The following TRIM35 variants were observed in gnomAD, a reference collection of about 807,000 sequenced individuals.
TRIM35 encodes the protein E3 ubiquitin-protein ligase TRIM35.
Under a neutral mutation model 49.1 loss-of-function variants are expected in TRIM35, and 37 were observed. That is an observed-to-expected ratio of 0.75 (90% CI 0.58 to 0.99). TRIM35 has a LOEUF of 0.99. TRIM35 is among the 50% of genes least tolerant of loss of function. The pLI is 0.00. For missense variants in TRIM35, 648 were observed against 702.7 expected (o/e 0.92, Z 0.88); for synonymous variants, 302 against 289.3 (o/e 1.04, Z -0.45).
intron 3 of TRIM35, among the ~76,000 whole-genome samples, chr8:27,293,055 G>C (rs1283553892): frequency 2.0e-5 from 3 of 149,646 alleles, no homozygotes; most frequent in Non-Finnish European, 4.4e-5. Context: ...AACACAGAAT[G>C]ATTTCATAAT....
At chr8:27,304,076 A>T (rs915968336) in intron 1 of TRIM35, among the ~76,000 whole-genome samples, 14 of 152,256 alleles carry the variant, frequency 9.2e-5, no homozygotes, top group Admixed American at 7.9e-4. Context: ...TATAGACTAC[A>T]TGATTTCCCA....
chr8:27,294,028 T>C, intron 3 of TRIM35, 52 bp downstream of exon 3: 3 of 1,574,270 alleles, frequency 1.9e-6, no homozygotes, highest in Admixed American at 3.5e-5. Context: ...GGCTCCCAGC[T>C]GGTCCTGGAA....
At chr8:27,310,681 G>T in intron 1 of TRIM35, 120 bp downstream of exon 1, 1 of 1,198,842 alleles carries the variant, frequency 8.3e-7, no homozygotes, top group Non-Finnish European at 1.2e-6. Context: ...GGTCCTGCAT[G>T]CTGGGAGCGA....
At chr8:27,290,720 T>C (rs1802435902) in intron 3 of TRIM35, among the ~76,000 whole-genome samples, 2 of 152,182 alleles carry the variant, frequency 1.3e-5, no homozygotes. Flanking sequence ...TTCAGTGCAA[T>C]CCCTTATCCT....
chr8:27,305,966 A>G (rs1225800805), intron 1 of TRIM35, among the ~76,000 whole-genome samples: 2 of 152,134 alleles, frequency 1.3e-5, no homozygotes, highest in African/African-American at 2.4e-5. Flanking sequence ...CCCCTCGAGT[A>G]GCTGGGACTA....
intron 2 of TRIM35, among the ~76,000 whole-genome samples, chr8:27,294,943 C>T (rs1586047262): frequency 6.6e-6 from 1 of 152,084 alleles, no homozygotes; most frequent in African/African-American, 2.4e-5. Flanking sequence ...CTGCCTCAGC[C>T]TCCCGAGTAG....
chr8:27,310,057 CA>C (rs1802884891), intron 1 of TRIM35, among the ~76,000 whole-genome samples: 1 of 151,766 alleles, frequency 6.6e-6, no homozygotes, highest in Non-Finnish European at 1.5e-5. Flanking sequence ...ACTTTTGTTT[CA>C]ACTGATACAT....
chr8:27,287,830 C>T lies in TRIM35; in HGVS notation c.1202G>A (p.Arg401His), dbSNP rs760859895. The T allele has an allele frequency of 9.9e-6, 16 of 1,612,060 alleles. No homozygotes were observed. The highest frequency in any genetic ancestry group is 3.3e-4 in the Middle Eastern group (2 of 6,082). Residue 401 changes from arginine (R) to histidine (H), a missense_variant, in exon 6 of 6, where the codon CGC becomes CAC. By Grantham distance (29) the Arg-to-His change is conservative. Coordinates refer to ENST00000305364, the MANE Select transcript of TRIM35 (RefSeq NM_171982.5). This position sits in a 1 kb window ranked among gnomAD's most constrained non-coding sequence, Gnocchi z 6.0. ...DTRSGFWYVC[R>H]TQGVEGDHCV... ...GTGGTCCCCCTCCACGCCCTGCGTG[C>T]GGCAGACATACCAGAAGCCCGAGCG... is the stretch of plus-strand genomic sequence containing the variant.
At chr8:27,298,369 T>C in intron 2 of TRIM35, 95 bp downstream of exon 2, 1 of 1,196,674 alleles carries the variant, frequency 8.4e-7, no homozygotes. Flanking sequence ...CCCAGCGGGT[T>C]ATGTGAGCCA....
intron 2 of TRIM35, among the ~76,000 whole-genome samples, chr8:27,296,253 C>T (rs1309314850): frequency 6.6e-6 from 1 of 151,532 alleles, no homozygotes; most frequent in African/African-American, 2.4e-5. Flanking sequence ...GTCTGCTGCA[C>T]CTGTCAACCC....
rs147469040 is a variant in TRIM35, at chr8:27,306,213, T to C, written c.435+4588A>G. Among the ~76,000 whole-genome samples, 66 of 152,310 alleles carry C rather than the reference T, an allele frequency of 4.3e-4. 2 individuals carry two copies. The East Asian group carries it at 0.011, about 26-fold the overall frequency. On this transcript the variant is annotated intron_variant, in intron 1 of 5. Coordinates refer to ENST00000305364, the MANE Select transcript of TRIM35 (RefSeq NM_171982.5). ...TGTGTCTGAGGATGTTTTCATTTAA[T>C]GGCAACCTAAACCAAACCTAAGACA...
At chr8:27,304,854 C>T (rs920557047) in intron 1 of TRIM35, 11 of 455,232 alleles carry the variant, frequency 2.4e-5, no homozygotes, top group Admixed American at 1.4e-4. Context: ...CTTCTCTCTT[C>T]GGCTATCAGG....
chr8:27,303,218 C>T (rs1802714527), intron 1 of TRIM35, among the ~76,000 whole-genome samples: 1 of 152,124 alleles, frequency 6.6e-6, no homozygotes, highest in South Asian at 2.1e-4. Flanking sequence ...TTTTCTTATC[C>T]AGTCAGATCA....
chr8:27,290,394 C>T (rs988533924), intron 3 of TRIM35, among the ~76,000 whole-genome samples: 1 of 152,114 alleles, frequency 6.6e-6, no homozygotes, highest in African/African-American at 2.4e-5. Flanking sequence ...GGAGGAAAGG[C>T]CTAAAAAGAG....
chr8:27,298,142 G>T (rs1802607384), intron 2 of TRIM35, among the ~76,000 whole-genome samples: 1 of 152,220 alleles, frequency 6.6e-6, no homozygotes, highest in Non-Finnish European at 1.5e-5. Flanking sequence ...AAGAAAACAA[G>T]AAAGTACATG....
chr8:27,298,317 G>A (rs1033156733), intron 2 of TRIM35, 147 bp downstream of exon 2: 29 of 683,708 alleles, frequency 4.2e-5, no homozygotes, highest in African/African-American at 3.2e-4. Context: ...CATCCAGGAC[G>A]TGGCTGCACA....
intron 1 of TRIM35, among the ~76,000 whole-genome samples, chr8:27,307,697 A>T (rs1040135980): frequency 1.3e-5 from 2 of 152,214 alleles, no homozygotes; most frequent in African/African-American, 2.4e-5. Flanking sequence ...AACCTCTCTC[A>T]AAGTCCAGGA....
chr8:27,303,247 A>C (rs972616802), intron 1 of TRIM35, among the ~76,000 whole-genome samples: 5 of 152,194 alleles, frequency 3.3e-5, no homozygotes, highest in Non-Finnish European at 7.3e-5. Context: ...ATTTAACTGG[A>C]GTATTTAACA....
At position 27,294,119 on chromosome 8, in the gene TRIM35, C is replaced by T. The variant is rs749818392; in HGVS notation, c.723G>A (p.Leu241=). Residue 241 remains leucine (L), a synonymous_variant, in exon 3 of 6, where the codon CTG becomes CTA. Coordinates refer to ENST00000305364, the MANE Select transcript of TRIM35 (RefSeq NM_171982.5). Reference sequence around the variant, plus strand: ...CGTCGTCCTCCTTCATCTCCATCTGCAGCCGCTCGATCTCATGTGCCAGCA... The same window carrying T: ...CGTCGTCCTCCTTCATCTCCATCTGTAGCCGCTCGATCTCATGTGCCAGCA... ...TEVLAHEIER[L]QMEMKEDDVS... The T allele has an allele frequency of 1.9e-6, 3 of 1,614,214 alleles. No homozygotes were observed. The highest frequency in any genetic ancestry group is 2.5e-6 in the Non-Finnish European group (3 of 1,180,050).
Sources: allele counts gnomAD v4.1 joint callset (sites outside exome capture counted in the v4.1 genomes callset), GRCh38; gene constraint gnomAD v4.1.1; non-coding constraint Gnocchi (gnomAD v3.1); transcripts MANE v1.5; gene names NCBI Gene and HGNC (gene_info 2026-07-23, HGNC 2026-07-21).